GLG1: variants seen among roughly 807,000 people sequenced by gnomAD.
The protein encoded by GLG1 is Golgi apparatus protein 1.
A neutral mutation model predicts 160.5 loss-of-function variants in GLG1; 38 were observed. That is an observed-to-expected ratio of 0.24 (90% CI 0.18 to 0.31). The LOEUF is 0.31. Ranked by LOEUF, GLG1 falls within the 10% of genes least tolerant of loss-of-function variation. The pLI, the probability that GLG1 is intolerant of heterozygous loss-of-function variation, is 1.00. For synonymous variants in GLG1, 644 were observed against 543.4 expected (o/e 1.19, Z -2.57); for missense variants, 1,373 against 1,505.2 (o/e 0.91, Z 1.45).
intron 1 of GLG1, among the ~76,000 whole-genome samples, chr16:74,580,210 G>A (rs1957907587): frequency 6.6e-6 from 1 of 151,918 alleles, no homozygotes; most frequent in African/African-American, 2.4e-5. Flanking sequence ...TTACGCCTGT[G>A]CAGTGGTTTA....
chr16:74,533,654 G>A (rs767322208), intron 1 of GLG1, among the ~76,000 whole-genome samples: 1 of 152,080 alleles, frequency 6.6e-6, no homozygotes, highest in African/African-American at 2.4e-5. Context: ...GGTGGCACGC[G>A]CCTATAGTCC....
intron 9 of GLG1, among the ~76,000 whole-genome samples, chr16:74,483,720 G>A (rs1428912990): frequency 4.7e-5 from 7 of 150,328 alleles, no homozygotes; most frequent in Non-Finnish European, 8.9e-5. Context: ...GTGCAGTGGC[G>A]CAACCTTGGC....
intron 1 of GLG1, among the ~76,000 whole-genome samples, chr16:74,593,443 T>C (rs1320240163): frequency 6.6e-6 from 1 of 150,966 alleles, no homozygotes; most frequent in African/African-American, 2.4e-5. Context: ...TTTTTTTTTT[T>C]TTTTTTTGGA....
intron 13 of GLG1, among the ~76,000 whole-genome samples, chr16:74,473,273 G>C (rs1168984220): frequency 1.3e-5 from 2 of 151,692 alleles, no homozygotes; most frequent in African/African-American, 4.8e-5. Context: ...GAGTGCAATG[G>C]TGCAATCTCG....
chr16:74,565,026 C>A (rs1457068999), intron 1 of GLG1, among the ~76,000 whole-genome samples: 1 of 152,178 alleles, frequency 6.6e-6, no homozygotes, highest in East Asian at 1.9e-4. Context: ...TTTTGTCAAC[C>A]TCTCAAAATT....
intron 2 of GLG1, among the ~76,000 whole-genome samples, chr16:74,527,885 C>CTTT (rs5817914): frequency 9.5e-6 from 1 of 104,994 alleles, no homozygotes; most frequent in Non-Finnish European, 1.9e-5. Context: ...GTGGTTAATT[C>CTTT]TTTTTTTTTT....
intron 4 of GLG1, among the ~76,000 whole-genome samples, chr16:74,501,815 G>C (rs1206680438): frequency 6.6e-6 from 1 of 152,188 alleles, no homozygotes; most frequent in African/African-American, 2.4e-5. Context: ...AAGTGCTTTT[G>C]TGTCATTTTG....
At chr16:74,576,413 A>G (rs899289008) in intron 1 of GLG1, among the ~76,000 whole-genome samples, 7 of 152,168 alleles carry the variant, frequency 4.6e-5, no homozygotes, top group Non-Finnish European at 7.4e-5. Flanking sequence ...AATGAGTTGC[A>G]TGTACATTAT....
At chr16:74,583,360 T>C (rs527650744) in intron 1 of GLG1, among the ~76,000 whole-genome samples, 11 of 152,228 alleles carry the variant, frequency 7.2e-5, no homozygotes, top group South Asian at 2.1e-4. Flanking sequence ...TTTTTGGAGG[T>C]AGTGTAACAG....
intron 8 of GLG1, among the ~76,000 whole-genome samples, chr16:74,490,335 G>C (rs2015938190): frequency 6.6e-6 from 1 of 152,192 alleles, no homozygotes; most frequent in Non-Finnish European, 1.5e-5. Context: ...GTGAGGTTTA[G>C]TGATAGAAAA....
At chr16:74,604,576 C>G (rs1291847778) in intron 1 of GLG1, among the ~76,000 whole-genome samples, 3 of 152,248 alleles carry the variant, frequency 2.0e-5, no homozygotes, top group Non-Finnish European at 4.4e-5. Context: ...GTACATATAT[C>G]TATTTCACTA....
chr16:74,517,130 A>G (rs942210023), intron 2 of GLG1, among the ~76,000 whole-genome samples: 4 of 152,218 alleles, frequency 2.6e-5, no homozygotes, highest in Non-Finnish European at 1.5e-5. Flanking sequence ...AGGTACAAAG[A>G]GGAGCTGGTA....
At chr16:74,498,868 CAAAAAAAAAA>C (rs57372225) in intron 4 of GLG1, among the ~76,000 whole-genome samples, 1 of 75,830 alleles carries the variant, frequency 1.3e-5, no homozygotes, top group Admixed American at 2.0e-4. Flanking sequence ...CCGTCTCAGG[CAAAAAAAAAA>C]AAAAAAAAAA....
chr16:74,486,529 T>A (rs371953812), intron 8 of GLG1, among the ~76,000 whole-genome samples: 2 of 152,234 alleles, frequency 1.3e-5, no homozygotes, highest in Non-Finnish European at 2.9e-5. Flanking sequence ...TCTAAGTACA[T>A]AGAAAAATAC....
chr16:74,488,228 G>C (rs2015860782), intron 8 of GLG1, among the ~76,000 whole-genome samples: 1 of 151,988 alleles, frequency 6.6e-6, no homozygotes, highest in Non-Finnish European at 1.5e-5. Flanking sequence ...TGCTGTATTA[G>C]GAAGAAAAAT....
At chr16:74,459,325 A>G (rs576095976) in intron 23 of GLG1, among the ~76,000 whole-genome samples, 4 of 152,268 alleles carry the variant, frequency 2.6e-5, no homozygotes, top group South Asian at 2.1e-4. Context: ...AAAAATACAG[A>G]AAATTAGTCA....
At position 74,452,619 on chromosome 16, in the gene GLG1, C is replaced by T. The variant is rs1021912327; in HGVS notation, c.*548G>A. 5.0e-6 allele frequency: 5 copies of T among 999,150 alleles called. No individual in the cohort carries two copies. Among genetic ancestry groups the T allele is most frequent in the East Asian group, 1.0e-4 (1 of 9,720 alleles). The allele number at this position is 999,150 out of a possible 1,614,324, so 61.9% of individuals were successfully genotyped here. On this transcript the variant is annotated 3_prime_UTR_variant, in exon 26 of 26. Coordinates refer to ENST00000422840, the MANE Select transcript of GLG1 (RefSeq NM_001145667.2). The stretch of plus-strand genomic sequence containing the variant: ...CCCACCCACGCCTCGGTGAAGACCA[C>T]GGCCCTGGCGAGGCCCCAAGGTGCT...
At chr16:74,555,206 C>T (rs1464118783) in intron 1 of GLG1, among the ~76,000 whole-genome samples, 1 of 151,998 alleles carries the variant, frequency 6.6e-6, no homozygotes, top group Non-Finnish European at 1.5e-5. Context: ...TTTTCCTTCA[C>T]TGAAAACTGA....
intron 1 of GLG1, among the ~76,000 whole-genome samples, chr16:74,578,817 C>T (rs945573735): frequency 3.3e-5 from 5 of 152,176 alleles, no homozygotes; most frequent in Non-Finnish European, 7.3e-5. Flanking sequence ...TATCATAAGT[C>T]ATTCTGTGAA....
Sources: gnomAD v4.1 joint callset for allele counts (sites outside exome capture counted in the v4.1 genomes callset) on GRCh38, gnomAD v4.1.1 for gene constraint, MANE v1.5 for transcripts, NCBI Gene and HGNC (gene_info 2026-07-23, HGNC 2026-07-21) for gene names.